Variants in MXRA7 observed in about 807,000 individuals in gnomAD.
The protein encoded by MXRA7 is matrix-remodeling-associated protein 7.
In MXRA7, 18 loss-of-function variants were observed where a neutral mutation model predicts 17.4. The ratio of observed to expected loss-of-function variants is 1.03; its 90% CI spans 0.71 to 1.53. The LOEUF is 1.53. MXRA7 is among the 40% of genes most tolerant of loss of function. The probability of loss-of-function intolerance (pLI) is 0.00; values close to 1 mark genes in which losing one functional copy is unlikely to be tolerated. For missense variants in MXRA7, 141 were observed against 209.3 expected (o/e 0.67, Z 2.01); for synonymous variants, 70 against 101.7 (o/e 0.69, Z 1.87).
intron 1 of MXRA7, among the ~76,000 whole-genome samples, chr17:76,704,615 C>G (rs1236784532): frequency 6.6e-6 from 1 of 150,950 alleles, no homozygotes; most frequent in Non-Finnish European, 1.5e-5. Flanking sequence ...CGAAACCCCG[C>G]CTCTACTAAA....
At chr17:76,694,129 T>C (rs1256686213) in intron 1 of MXRA7, among the ~76,000 whole-genome samples, 1 of 152,182 alleles carries the variant, frequency 6.6e-6, no homozygotes, top group Non-Finnish European at 1.5e-5. Context: ...CAATTTCTGC[T>C]TGGGGGACAA....
intron 1 of MXRA7, among the ~76,000 whole-genome samples, chr17:76,698,488 C>T (rs1023056633): frequency 6.6e-6 from 1 of 152,128 alleles, no homozygotes; most frequent in Non-Finnish European, 1.5e-5. Flanking sequence ...AGCCATCTCC[C>T]CCTCCAAACT....
rs908152160 is a variant in MXRA7, at chr17:76,710,955, G to A, written c.-9C>T. The A allele has an allele frequency of 1.7e-4, 166 of 991,262 alleles. No homozygotes were observed. The African/African-American group carries it at 2.8e-3, about 17-fold the overall frequency. The allele number at this position is 991,262 out of a possible 1,614,324, so 61.4% of individuals were successfully genotyped here. On this transcript the variant is annotated 5_prime_UTR_variant, in exon 1 of 4. Coordinates refer to ENST00000449428, the MANE Select transcript of MXRA7 (RefSeq NM_198530.4). Reference sequence around the variant, plus strand: ...TCGGCCGGCGCCTCCATCGCGCCGCGGCCGCCGAGTGCGGGCCAGCTGGGA... The same window carrying A: ...TCGGCCGGCGCCTCCATCGCGCCGCAGCCGCCGAGTGCGGGCCAGCTGGGA...
chr17:76,685,294 T>C (rs1272289945), intron 2 of MXRA7, 129 bp from the exon 3 acceptor site: 1 of 688,056 alleles, frequency 1.5e-6, no homozygotes, highest in African/African-American at 1.8e-5. Flanking sequence ...CAGAGACATC[T>C]CACCCCAGCG....
chr17:76,702,516 A>AAAGAAG (rs149456126), intron 1 of MXRA7, among the ~76,000 whole-genome samples: 7 of 151,630 alleles, frequency 4.6e-5, no homozygotes, highest in East Asian at 1.9e-4. Flanking sequence ...TAAATAAATA[A>AAAGAAG]AAGAAGAAGA....
intron 1 of MXRA7, among the ~76,000 whole-genome samples, chr17:76,708,083 T>C (rs1212371529): frequency 2.0e-5 from 3 of 152,228 alleles, no homozygotes; most frequent in East Asian, 1.9e-4. Context: ...TCTCGGCCTA[T>C]AGTAGCCCCT....
chr17:76,677,435 A>G (rs936818609), downstream of MXRA7: 2 of 596,146 alleles, frequency 3.4e-6, no homozygotes, highest in Middle Eastern at 4.3e-4. Context: ...TAATATACAC[A>G]CTGCAAGAAC....
exon 4 of MXRA7, chr17:76,672,968 G>T (rs1490363813): frequency 6.6e-6 from 1 of 152,154 alleles, no homozygotes; most frequent in Non-Finnish European, 1.5e-5. Context: ...CACTAGACCC[G>T]GAAAGGCATG....
At chr17:76,700,763 G>A (rs1201749265) in intron 1 of MXRA7, among the ~76,000 whole-genome samples, 5 of 152,180 alleles carry the variant, frequency 3.3e-5, no homozygotes, top group Non-Finnish European at 5.9e-5. Flanking sequence ...ACCTCAGACC[G>A]GATGAAGTGC....
intron 1 of MXRA7, 27 bp downstream of exon 1, chr17:76,710,578 G>C: frequency 1.6e-6 from 2 of 1,276,228 alleles, no homozygotes; most frequent in Non-Finnish European, 2.0e-6. Context: ...GGGGTGGGGA[G>C]GGGGCCGCGA....
chr17:76,706,972 T>C (rs957012821), intron 1 of MXRA7, among the ~76,000 whole-genome samples: 2 of 152,186 alleles, frequency 1.3e-5, no homozygotes, highest in Non-Finnish European at 2.9e-5. Context: ...ATTTGAATCA[T>C]GACATGTCAT....
At chr17:76,698,324 A>AC (rs1398192076) in intron 1 of MXRA7, among the ~76,000 whole-genome samples, 10 of 147,214 alleles carry the variant, frequency 6.8e-5, no homozygotes, top group Non-Finnish European at 1.5e-4. Flanking sequence ...TTCCAGAAGG[A>AC]CTCCATTAGC....
At chr17:76,708,480 C>T (rs2076685957) in intron 1 of MXRA7, among the ~76,000 whole-genome samples, 1 of 152,202 alleles carries the variant, frequency 6.6e-6, no homozygotes, top group Admixed American at 6.5e-5. Flanking sequence ...GAGTTATCTT[C>T]CCCAGGGGGC....
rs1391782772 is a variant in MXRA7 at position 76,679,834 on chromosome 17, T to G, written c.*1033A>C. The G allele has an allele frequency of 2.1e-6, 1 of 465,812 alleles. No homozygotes were observed. Among genetic ancestry groups the G allele is most frequent in the East Asian group, 1.3e-4 (1 of 7,522 alleles). 28.9% of individuals were successfully genotyped at this position (465,812 alleles called of 1,614,324 possible). A position where few individuals can be genotyped will look rare whatever the true frequency, so the allele number is the denominator to read the frequency against. On this transcript the variant is annotated 3_prime_UTR_variant, in exon 4 of 4. Transcript: ENST00000449428. ...GTGGCTGTTGCCATGTGGCCTGTTC[T>G]CCCCTAAGCCCTGAACCAAAGGTTC...
chr17:76,700,310 T>G (rs1598356601), intron 1 of MXRA7, among the ~76,000 whole-genome samples: 1 of 152,020 alleles, frequency 6.6e-6, no homozygotes, highest in Non-Finnish European at 1.5e-5. Context: ...AAACCACTGA[T>G]CTAGTGTGGC....
At chr17:76,701,073 G>T (rs1398715797) in intron 1 of MXRA7, among the ~76,000 whole-genome samples, 3 of 152,084 alleles carry the variant, frequency 2.0e-5, no homozygotes, top group Admixed American at 1.3e-4. Flanking sequence ...GCACGCGGAG[G>T]GCTGTGAGCA....
In MXRA7 at chr17:76,679,712, G is replaced by C. The variant is rs2076274335; in HGVS notation, c.*1155C>G. 1 of 576,586 alleles carries C rather than the reference G, an allele frequency of 1.7e-6. No homozygotes were observed. The highest frequency in any genetic ancestry group is 2.2e-6 in the Non-Finnish European group (1 of 453,682). 35.7% of individuals were successfully genotyped at this position (576,586 alleles called of 1,614,324 possible). A position where few individuals can be genotyped will look rare whatever the true frequency, so the allele number is the denominator to read the frequency against. ...ACCTAGATAGCTCTACTAGGAGGGA[G>C]TCAACGACCTATTGTGTCAATTAGA... On this transcript the variant is annotated 3_prime_UTR_variant, in exon 4 of 4. Transcript: ENST00000449428.
chr17:76,682,834 AGAGGAGTC>A (rs2076325466), intron 3 of MXRA7, among the ~76,000 whole-genome samples: 1 of 152,210 alleles, frequency 6.6e-6, no homozygotes, highest in Non-Finnish European at 1.5e-5. Context: ...TGCAGCATGC[AGAGGAGTC>A]GAGGAGTCTT....
chr17:76,703,766 A>C (rs1245466031), intron 1 of MXRA7: 2 of 152,080 alleles, frequency 1.3e-5, no homozygotes, highest in African/African-American at 4.8e-5. Flanking sequence ...CATTGAAAAA[A>C]ACAAAAAACT....
Sources: allele counts gnomAD v4.1 joint callset (sites outside exome capture counted in the v4.1 genomes callset), GRCh38; gene constraint gnomAD v4.1.1; transcripts MANE v1.5; gene names NCBI Gene and HGNC (gene_info 2026-07-23, HGNC 2026-07-21).